The following PIK3C3 variants were observed in gnomAD, a reference collection of about 807,000 sequenced individuals.
PIK3C3 encodes phosphatidylinositol 3-kinase catalytic subunit type 3.
Under a neutral mutation model 126.1 loss-of-function variants are expected in PIK3C3, and 95 were observed. The observed-to-expected ratio is 0.75, with a 90% CI of 0.64 to 0.89. The LOEUF (loss-of-function observed/expected upper bound fraction) is 0.89, where lower values mean the gene tolerates loss of function less well. PIK3C3 is among the 40% of genes least tolerant of loss of function. The pLI is 0.00. For synonymous variants in PIK3C3, 374 were observed against 360.0 expected (o/e 1.04, Z -0.44); for missense variants, 829 against 1,063.2 (o/e 0.78, Z 3.06).
intron 7 of PIK3C3, among the ~76,000 whole-genome samples, chr18:41,994,227 G>A (rs758362176): frequency 2.0e-5 from 3 of 152,072 alleles, no homozygotes; most frequent in Non-Finnish European, 4.4e-5. Context: ...AAAAGAAAAG[G>A]CCACTTGCGG....
chr18:42,065,735 G>T (rs1985510055), intron 23 of PIK3C3, among the ~76,000 whole-genome samples: 1 of 152,082 alleles, frequency 6.6e-6, no homozygotes, highest in African/African-American at 2.4e-5. Flanking sequence ...CATATTTAAA[G>T]TTGTGGTTAA....
chr18:41,982,874 A>C (rs916699625), intron 4 of PIK3C3, among the ~76,000 whole-genome samples: 3 of 152,198 alleles, frequency 2.0e-5, no homozygotes, highest in African/African-American at 7.2e-5. Context: ...GAATTGTTCC[A>C]GGTTATTTAA....
chr18:41,956,966 T>C (rs1197475631), intron 1 of PIK3C3, among the ~76,000 whole-genome samples: 1 of 152,212 alleles, frequency 6.6e-6, no homozygotes, highest in Non-Finnish European at 1.5e-5. Flanking sequence ...TAGTATCCTG[T>C]GCATATCTAT....
intron 15 of PIK3C3, among the ~76,000 whole-genome samples, chr18:42,030,143 G>GA (rs1208605423): frequency 6.6e-6 from 1 of 152,052 alleles, no homozygotes; most frequent in African/African-American, 2.4e-5. Context: ...ATTTGATATG[G>GA]AAAGAATCTC....
intron 13 of PIK3C3, chr18:42,026,351 A>G (rs1317133926): frequency 7.2e-6 from 1 of 139,764 alleles, no homozygotes; most frequent in Non-Finnish European, 1.5e-5. Context: ...AAAATGAAAT[A>G]AACAGAATAG....
intron 1 of PIK3C3, 146 bp from the exon 2 acceptor site, chr18:41,957,424 G>A: frequency 3.1e-6 from 2 of 642,416 alleles, no homozygotes; most frequent in South Asian, 4.9e-5. Flanking sequence ...TGTTTAGGTA[G>A]CATACCTTAA....
At chr18:41,972,305 G>A (rs631388) in intron 4 of PIK3C3, among the ~76,000 whole-genome samples, 4,308 of 152,110 alleles carry the variant, frequency 0.028, 202 homozygotes, top group African/African-American at 0.098. Context: ...TAGGAAAGAA[G>A]CCTTCTTAAT....
chr18:42,012,714 A>T (rs1013179942), intron 10 of PIK3C3, among the ~76,000 whole-genome samples: 1 of 152,176 alleles, frequency 6.6e-6, no homozygotes, highest in African/African-American at 2.4e-5. Context: ...AGTGAAAGCT[A>T]CTTTGTTGAC....
chr18:42,057,768 T>C (rs1201703333), intron 21 of PIK3C3, 115 bp from the exon 22 acceptor site: 9 of 909,076 alleles, frequency 9.9e-6, no homozygotes, highest in Non-Finnish European at 1.5e-5. Flanking sequence ...ATAGGCTTCA[T>C]CGTGAACTAA....
intron 22 of PIK3C3, among the ~76,000 whole-genome samples, chr18:42,063,835 C>G (rs1002987619): frequency 6.6e-5 from 10 of 151,988 alleles, no homozygotes; most frequent in Admixed American, 3.3e-4. Flanking sequence ...CAGTGCAAGG[C>G]GCTTGGTTGA....
At chr18:42,053,229 T>A (rs978665866) in intron 21 of PIK3C3, among the ~76,000 whole-genome samples, 8 of 152,214 alleles carry the variant, frequency 5.3e-5, no homozygotes, top group Non-Finnish European at 1.0e-4. Context: ...ATTCGCTGCA[T>A]ATAGAGAATG....
In PIK3C3 at chr18:42,015,529, CA is replaced by C. The variant is rs949716838; in HGVS notation, c.1384del (p.Thr462GlnfsTer18). On this transcript the variant is annotated frameshift_variant, in exon 12 of 25. Transcript: ENST00000262039. LOFTEE classifies it high-confidence loss of function. ...LPSVSSPPPA[S>X]KTKEVPDGEN... is the part of the protein sequence containing the mutation. The stretch of plus-strand genomic sequence containing the variant: ...TCAGTCTCTTCACCTCCTCCTGCAT[CA>C]AAAACAAAAGAAGTTCCAGATGGCG... The C allele has an allele frequency of 1.2e-6, 2 of 1,613,598 alleles. No individual in the cohort carries two copies. Among genetic ancestry groups the C allele is most frequent in the African/African-American group, 2.7e-5 (2 of 74,892 alleles).
intron 5 of PIK3C3, among the ~76,000 whole-genome samples, chr18:41,989,942 GA>G (rs1477065064): frequency 6.6e-6 from 1 of 152,040 alleles, no homozygotes; most frequent in Non-Finnish European, 1.5e-5. Flanking sequence ...ATCATTTTAA[GA>G]CCATTTATAA....
Position 42,076,125 on chromosome 18 carries a change from C to CATATATATATAT in PIK3C3, c.2650-4991_2650-4980dup, listed in dbSNP as rs1170833789. Reference sequence around the variant, plus strand: ...ATATATATATATATATATATATGCGCATATATATATATATATATGCGCATA... The same window carrying CATATATATATAT: ...ATATATATATATATATATATATGCGCATATATATATATATATATATATATATATATGCGCATA... On this transcript the variant is annotated intron_variant, in intron 24 of 24. Coordinates refer to ENST00000262039, the MANE Select transcript of PIK3C3 (RefSeq NM_002647.4). 3.8e-4 allele frequency among the ~76,000 whole-genome samples: 18 copies of CATATATATATAT among 47,712 alleles called. 2 individuals carry two copies. The highest frequency in any genetic ancestry group is 5.3e-4 in the South Asian group (1 of 1,882). 31.3% of individuals were successfully genotyped at this position (47,712 alleles called of 152,430 possible). A position where few individuals can be genotyped will look rare whatever the true frequency, so the allele number is the denominator to read the frequency against.
chr18:42,051,301 C>T (rs1223517307), intron 21 of PIK3C3: 1 of 152,222 alleles, frequency 6.6e-6, no homozygotes, highest in African/African-American at 2.4e-5. Flanking sequence ...TGAATAAATA[C>T]TTCTGCTCTT....
chr18:41,957,484 C>T (rs182962017), intron 1 of PIK3C3, 86 bp from the exon 2 acceptor site: 2 of 1,307,322 alleles, frequency 1.5e-6, no homozygotes, highest in East Asian at 2.4e-5. Context: ...ATGCTTAAAG[C>T]ATATATGTAC....
In PIK3C3 at chr18:42,004,508, T is replaced by C. The variant is rs764039226; in HGVS notation, c.1137T>C (p.Tyr379=). ...ACACCAACCCAACTGTGAGGCGTTATGCTGTTGCCCGGTTGCGACAGGCCG... is the reference window on the plus strand; with the variant it reads ...ACACCAACCCAACTGTGAGGCGTTACGCTGTTGCCCGGTTGCGACAGGCCG... The part of the protein sequence containing the change: ...SHYTNPTVRR[Y]AVARLRQADD... The change falls in exon 10 of 25, where the codon TAT becomes TAC. Residue 379 remains tyrosine, a synonymous_variant. Coordinates refer to ENST00000262039, the MANE Select transcript of PIK3C3 (RefSeq NM_002647.4). The C allele has an allele frequency of 1.3e-5, 21 of 1,602,184 alleles. No homozygotes were observed. In the East Asian group the frequency reaches 3.6e-4, roughly 27 times the overall value.
At chr18:41,962,125 A>G (rs1450718297) in intron 2 of PIK3C3, among the ~76,000 whole-genome samples, 1 of 152,016 alleles carries the variant, frequency 6.6e-6, no homozygotes, top group Non-Finnish European at 1.5e-5. Context: ...TTATCTTCAT[A>G]ATGTAAATTG....
At chr18:42,071,500 A>C (rs1014893119) in intron 24 of PIK3C3, among the ~76,000 whole-genome samples, 1 of 152,146 alleles carries the variant, frequency 6.6e-6, no homozygotes, top group African/African-American at 2.4e-5. Flanking sequence ...CAGGCGAATC[A>C]CATGAGGTCA....
Sources: allele counts gnomAD v4.1 joint callset (sites outside exome capture counted in the v4.1 genomes callset), GRCh38; gene constraint gnomAD v4.1.1; transcripts MANE v1.5; gene names NCBI Gene and HGNC (gene_info 2026-07-23, HGNC 2026-07-21).